The following PAM variants were observed in gnomAD, a reference collection of about 807,000 sequenced individuals.
PAM encodes peptidylglycine alpha-amidating monooxygenase.
Under a neutral mutation model 122.1 loss-of-function variants are expected in PAM, and 72 were observed. That is an observed-to-expected ratio of 0.59 (90% CI 0.49 to 0.72). The LOEUF (loss-of-function observed/expected upper bound fraction) is 0.72. PAM is among the 30% of genes least tolerant of loss of function. The probability of loss-of-function intolerance (pLI) is 0.00; values close to 1 mark genes in which losing one functional copy is unlikely to be tolerated. For synonymous variants in PAM, 389 were observed against 404.4 expected (o/e 0.96, Z 0.46); for missense variants, 1,106 against 1,183.7 (o/e 0.93, Z 0.96).
intron 3 of PAM, among the ~76,000 whole-genome samples, chr5:102,893,642 T>C (rs1300266075): frequency 6.6e-6 from 1 of 151,848 alleles, no homozygotes; most frequent in Admixed American, 6.6e-5. Context: ...ACTTCACTAG[T>C]TCCCAGTGCA....
intron 3 of PAM, among the ~76,000 whole-genome samples, chr5:102,882,022 T>A (rs2151142277): frequency 7.4e-6 from 1 of 135,946 alleles, no homozygotes; most frequent in East Asian, 2.3e-4. Flanking sequence ...ATTTCATTCC[T>A]TTTTGTGGCT....
chr5:102,804,358 G>T (rs1356864634), intron 1 of PAM, among the ~76,000 whole-genome samples: 2 of 152,106 alleles, frequency 1.3e-5, no homozygotes, highest in African/African-American at 4.8e-5. Flanking sequence ...AGTCAGGGAA[G>T]CCAGAACATT....
chr5:102,758,073 G>GTTTTTTTTT lies in PAM; in HGVS notation c.-374+2752_-374+2760dup, dbSNP rs1168917285. Among the ~76,000 whole-genome samples the GTTTTTTTTT allele has an allele frequency of 1.0e-3, 26 of 24,802 alleles. 1 individual carries two copies. Among genetic ancestry groups the GTTTTTTTTT allele is most frequent in the Non-Finnish European group, 1.9e-3 (21 of 11,116 alleles). The allele number at this position is 24,802 out of a possible 152,430, so 16.3% of individuals were successfully genotyped here. On this transcript the variant is annotated intron_variant, in intron 1 of 25. Transcript: ENST00000438793. ...AAAAAAAAAAAAGACTTAGAATTTT[G>GTTTTTTTTT]TTTTTTTTTTTTTTTTTTTTTTTTT...
At chr5:103,012,091 C>T (rs964612629) in intron 21 of PAM, among the ~76,000 whole-genome samples, 1 of 152,042 alleles carries the variant, frequency 6.6e-6, no homozygotes, top group Non-Finnish European at 1.5e-5. Context: ...AATCTTTTGC[C>T]CATTTTTTAA....
At chr5:102,787,897 T>G (rs1399143757) in intron 1 of PAM, among the ~76,000 whole-genome samples, 1 of 152,110 alleles carries the variant, frequency 6.6e-6, no homozygotes, top group Non-Finnish European at 1.5e-5. Flanking sequence ...AAATTATTCA[T>G]GTATGGTAGA....
intron 15 of PAM, among the ~76,000 whole-genome samples, chr5:102,982,702 T>C (rs1472076441): frequency 6.6e-6 from 1 of 152,194 alleles, no homozygotes; most frequent in Non-Finnish European, 1.5e-5. Flanking sequence ...ACCAACACTA[T>C]AGTTCATCTA....
chr5:103,019,811 A>T lies in PAM; in HGVS notation c.2453A>T (p.Lys818Ile). 6.2e-7 allele frequency: 1 copy of T among 1,609,156 alleles called. No homozygotes were observed. Among genetic ancestry groups the T allele is most frequent in the Non-Finnish European group, 8.5e-7 (1 of 1,175,626 alleles). ...LTEKLEHRSV[K>I]KAGIEVQEIK... Reference sequence around the variant, plus strand: ...ACAGAATTGGAACATCGATCAGTTAAAAAGGCTGGCATTGAGGTCCAGGAA... The same window carrying T: ...ACAGAATTGGAACATCGATCAGTTATAAAGGCTGGCATTGAGGTCCAGGAA... The change falls in exon 23 of 26, where the codon AAA (lysine) becomes ATA (isoleucine). Residue 818 changes from lysine to isoleucine, a missense_variant. Lys to Ile is a moderately radical substitution (Grantham distance 102). This residue lies in a region of PAM where 333 missense variants were observed against 335.6 expected (regional missense o/e 0.99). Coordinates refer to ENST00000438793, the MANE Select transcript of PAM (RefSeq NM_001177306.2).
rs34434423 is a variant in PAM at position 102,881,129 on chromosome 5, T to TACACACACACACACACACAC, written c.210+13744_210+13763dup. On this transcript the variant is annotated intron_variant, in intron 3 of 25. Transcript: ENST00000438793. ...AAAATTAAAAAATAATTTTTATACA[T>TACACACACACACACACACAC]ACACACACACACACACACACACACA... 1.5e-3 allele frequency among the ~76,000 whole-genome samples: 216 copies of TACACACACACACACACACAC among 145,796 alleles called. 1 individual carries two copies. In the South Asian group the frequency reaches 0.018, roughly 12 times the overall value.
chr5:102,994,173 A>G (rs1192367113), intron 16 of PAM, among the ~76,000 whole-genome samples: 1 of 152,096 alleles, frequency 6.6e-6, no homozygotes, highest in Non-Finnish European at 1.5e-5. Context: ...AGCAACTTCA[A>G]CCATCATCCA....
intron 1 of PAM, among the ~76,000 whole-genome samples, chr5:102,850,075 C>T (rs1347697317): frequency 1.3e-5 from 2 of 152,076 alleles, no homozygotes; most frequent in African/African-American, 4.8e-5. Context: ...TCCTGAAGAA[C>T]TGTGTCATGT....
chr5:102,988,185 A>G (rs972214735), intron 15 of PAM, among the ~76,000 whole-genome samples: 3 of 152,184 alleles, frequency 2.0e-5, no homozygotes, highest in Admixed American at 2.0e-4. Context: ...ACATTCTGCA[A>G]TTATAAACAT....
At chr5:102,783,641 T>C (rs1175347383) in intron 1 of PAM, among the ~76,000 whole-genome samples, 1 of 152,212 alleles carries the variant, frequency 6.6e-6, no homozygotes, top group Non-Finnish European at 1.5e-5. Flanking sequence ...ACCAAAGATC[T>C]AGAAATTAAT....
At chr5:102,834,460 A>G (rs1776343703) in intron 1 of PAM, among the ~76,000 whole-genome samples, 1 of 152,198 alleles carries the variant, frequency 6.6e-6, no homozygotes, top group Non-Finnish European at 1.5e-5. Flanking sequence ...TTCAGTCAGA[A>G]ATTAAAGTGA....
At chr5:102,808,332 T>C (rs577643063) in intron 1 of PAM, 4 of 152,338 alleles carry the variant, frequency 2.6e-5, no homozygotes, top group Non-Finnish European at 5.9e-5. Context: ...GAAATCATAG[T>C]GAATGGGAGC....
At chr5:102,971,128 T>C (rs1765701501) in intron 14 of PAM, among the ~76,000 whole-genome samples, 1 of 148,996 alleles carries the variant, frequency 6.7e-6, no homozygotes, top group African/African-American at 2.5e-5. Flanking sequence ...TTGTTTTCTA[T>C]TACAAAAATC....
At chr5:103,007,178 C>CACATACAT (rs1779237362) in intron 19 of PAM, among the ~76,000 whole-genome samples, 167 bp downstream of exon 19, 3 of 138,828 alleles carry the variant, frequency 2.2e-5, no homozygotes, top group African/African-American at 8.4e-5. Flanking sequence ...CACACACACA[C>CACATACAT]ACACACATAT....
intron 4 of PAM, among the ~76,000 whole-genome samples, chr5:102,905,641 C>T (rs553970147): frequency 8.4e-4 from 128 of 151,598 alleles, no homozygotes; most frequent in African/African-American, 3.0e-3. Context: ...GTACATTGCT[C>T]GTATATCCAT....
At chr5:102,840,900 T>G (rs891433989) in intron 1 of PAM, among the ~76,000 whole-genome samples, 1 of 152,148 alleles carries the variant, frequency 6.6e-6, no homozygotes, top group African/African-American at 2.4e-5. Flanking sequence ...CAGCCAAAAA[T>G]TAGAGTTCTT....
chr5:102,759,209 A>C (rs1298470762), intron 1 of PAM, among the ~76,000 whole-genome samples: 1 of 152,224 alleles, frequency 6.6e-6, no homozygotes, highest in African/African-American at 2.4e-5. Context: ...GGTCCTGGGT[A>C]GGTGAATGTC....
Sources: gnomAD v4.1 joint callset for allele counts (sites outside exome capture counted in the v4.1 genomes callset) on GRCh38, gnomAD v4.1.1 for gene constraint, gnomAD v4.1.1 regional missense constraint, MANE v1.5 for transcripts, NCBI Gene and HGNC (gene_info 2026-07-23, HGNC 2026-07-21) for gene names.